OSBPL5: variants seen among roughly 807,000 people sequenced by gnomAD.
The protein encoded by OSBPL5 is oxysterol binding protein like 5.
Under a neutral mutation model 111.2 loss-of-function variants are expected in OSBPL5, and 71 were observed. The observed-to-expected ratio is 0.64, with a 90% confidence interval of 0.53 to 0.78. The LOEUF is 0.78. OSBPL5 is among the 30% of genes least tolerant of loss of function. OSBPL5 has a pLI of 0.00. For missense variants in OSBPL5, 1,210 were observed against 1,189.3 expected, an observed-to-expected ratio of 1.02 and a Z score of -0.26; for synonymous variants, 549 against 513.9, an observed-to-expected ratio of 1.07 and a Z score of -0.93.
At position 3,121,929 on chromosome 11, in the gene OSBPL5, T is replaced by C. The variant is rs941985601; in HGVS notation, c.402+68A>G. Reference sequence around the variant, plus strand: ...CCATCGTTTCAGGCCACCTGGTTTATGGTCCTTTGTTATGGCAGCAGCACG... The same window carrying C: ...CCATCGTTTCAGGCCACCTGGTTTACGGTCCTTTGTTATGGCAGCAGCACG... On this transcript the variant is annotated intron_variant, in intron 5 of 21. Transcript: ENST00000263650. The surrounding 1 kb of genome is among the most constrained non-coding windows in gnomAD (Gnocchi z 4.3). The C allele has an allele frequency of 2.9e-6, 4 of 1,392,620 alleles. No individual in the cohort carries two copies. The South Asian group carries it at 4.9e-5, about 17-fold the overall frequency. The allele number at this position is 1,392,620 out of a possible 1,614,324, so 86.3% of individuals were successfully genotyped here.
chr11:3,102,360 G>A (rs954429206), intron 11 of OSBPL5, 79 bp from the exon 12 acceptor site: 4 of 1,379,460 alleles, frequency 2.9e-6, no homozygotes, highest in African/African-American at 1.4e-5. Context: ...GATGTGGACG[G>A]AGGGGCAGCG....
At chr11:3,095,074 A>G (rs1857207905) in intron 14 of OSBPL5, among the ~76,000 whole-genome samples, 1 of 152,076 alleles carries the variant, frequency 6.6e-6, no homozygotes, top group African/African-American at 2.4e-5. Context: ...TTGTTGCAAC[A>G]AAGGCTTGAA....
Position 3,121,007 on chromosome 11 carries a change from CAG to C in OSBPL5, c.403-385_403-384del, listed in dbSNP as rs2134455860. Among the ~76,000 whole-genome samples the C allele has an allele frequency of 6.6e-6, 1 of 151,232 alleles. No homozygotes were observed. Among genetic ancestry groups the C allele is most frequent in the Non-Finnish European group, 1.5e-5 (1 of 67,960 alleles). On this transcript the variant is annotated intron_variant, in intron 5 of 21. Coordinates refer to ENST00000263650, the MANE Select transcript of OSBPL5 (RefSeq NM_020896.4). The surrounding 1 kb of genome is among the most constrained non-coding windows in gnomAD (Gnocchi z 4.3). ...GGGTCAAGTTCAAGGTCAAGGGCCTCAGGGAGGAACCAGCAATGAGTGGTGTG... is the reference window on the plus strand; with the variant it reads ...GGGTCAAGTTCAAGGTCAAGGGCCTCGGAGGAACCAGCAATGAGTGGTGTG...
At chr11:3,101,841 T>A in intron 12 of OSBPL5, 142 bp from the exon 13 acceptor site, 1 of 728,670 alleles carries the variant, frequency 1.4e-6, no homozygotes. Flanking sequence ...GTAGGGGCCT[T>A]CCTGGCTCTC....
chr11:3,114,789 G>A (rs1024600899), intron 7 of OSBPL5, among the ~76,000 whole-genome samples: 4 of 151,690 alleles, frequency 2.6e-5, no homozygotes, highest in Non-Finnish European at 5.9e-5. Context: ...TTTTAGTAGA[G>A]ATGGGGTTTC....
chr11:3,103,858 GCGCAGCCCCCTTCC>G (rs879382388), intron 10 of OSBPL5, among the ~76,000 whole-genome samples: 53,460 of 104,376 alleles, frequency 0.51, 12,441 homozygotes, highest in East Asian at 0.79. Context: ...TTTCCAGTCT[GCGCAGCCCCCTTCC>G]TGCCTCTGTA....
intron 7 of OSBPL5, among the ~76,000 whole-genome samples, chr11:3,111,256 A>T (rs1372285606): frequency 2.0e-5 from 3 of 150,348 alleles, no homozygotes; most frequent in Non-Finnish European, 4.4e-5. Context: ...CTTGCTTCCG[A>T]TACAAGGAAG....
At chr11:3,098,827 G>A (rs1308286172) in intron 14 of OSBPL5, among the ~76,000 whole-genome samples, 1 of 143,566 alleles carries the variant, frequency 7.0e-6, no homozygotes, top group Non-Finnish European at 1.5e-5. Context: ...TTTTTTTTGA[G>A]ATGGGATCTC....
chr11:3,133,805 G>A (rs796265507), intron 1 of OSBPL5, among the ~76,000 whole-genome samples: 5 of 152,350 alleles, frequency 3.3e-5, no homozygotes, highest in African/African-American at 9.6e-5. Flanking sequence ...CCCTCCCACG[G>A]TGAGACTGTC....
In OSBPL5 at chr11:3,142,537, G is replaced by C. The variant is rs190720067; in HGVS notation, c.-21-13368C>G. ...TTAGCTCCCCTCCCTTTTTACAGAT[G>C]AGGAAACTGAGAATGAAACAGGAAA... is the stretch of plus-strand genomic sequence containing the variant. On this transcript the variant is annotated intron_variant, in intron 1 of 21. Transcript: ENST00000263650. The surrounding 1 kb of genome is among the most constrained non-coding windows in gnomAD (Gnocchi z 7.1). Among the ~76,000 whole-genome samples, 14 of 152,320 alleles carry C rather than the reference G, an allele frequency of 9.2e-5. No homozygotes were observed. The East Asian group carries it at 1.2e-3, about 13-fold the overall frequency.
At chr11:3,119,462 C>T in intron 7 of OSBPL5, 85 bp downstream of exon 7, 1 of 1,357,400 alleles carries the variant, frequency 7.4e-7, no homozygotes, top group Non-Finnish European at 9.8e-7. Flanking sequence ...TGAACTGGGG[C>T]CACCTGTACC....
At chr11:3,103,409 C>T (rs1157679210) in intron 10 of OSBPL5, 89 bp from the exon 11 acceptor site, 3 of 1,203,404 alleles carry the variant, frequency 2.5e-6, no homozygotes, top group Non-Finnish European at 2.3e-6. Flanking sequence ...ACCATCCCGA[C>T]CTCCAACCAC....
rs979802333 is a variant in OSBPL5, at chr11:3,165,095, C to T, written c.-22+121G>A. 6.6e-6 allele frequency: 1 copy of T among 150,748 alleles called. No homozygotes were observed. Among genetic ancestry groups the T allele is most frequent in the African/African-American group, 2.4e-5 (1 of 41,274 alleles). 9.3% of individuals were successfully genotyped at this position (150,748 alleles called of 1,614,324 possible). A position where few individuals can be genotyped will look rare whatever the true frequency, so the allele number is the denominator to read the frequency against. ...GGCTGCGGCGCGAGCTCCTGGATCC[C>T]TTCGGCCGGCCCCCCGCGGCCCTCG... On this transcript the variant is annotated intron_variant, in intron 1 of 21. Transcript: ENST00000263650. The surrounding 1 kb of genome is among the most constrained non-coding windows in gnomAD (Gnocchi z 7.4).
Position 3,107,379 on chromosome 11 carries a change from C to T in OSBPL5, c.943G>A (p.Glu315Lys), listed in dbSNP as rs373156305. ...ERENPEESDTETQDHSRKTES... is the reference protein window; with the variant it reads ...ERENPEESDTKTQDHSRKTES... ...GTCTTCCGGCTATGGTCCTGGGTCTCGGTATCTGACTCCTCAGGGTTCTCT... is the reference window on the plus strand; with the variant it reads ...GTCTTCCGGCTATGGTCCTGGGTCTTGGTATCTGACTCCTCAGGGTTCTCT... The change falls in exon 9 of 22, where the codon GAG (glutamate) becomes AAG (lysine). Residue 315 changes from glutamate (E) to lysine (K), a missense_variant. By Grantham distance (56) the Glu-to-Lys change is moderately conservative. Transcript: ENST00000263650. This position sits in a 1 kb window ranked among gnomAD's most constrained non-coding sequence, Gnocchi z 6.1. 44 of 1,613,938 alleles carry T rather than the reference C, an allele frequency of 2.7e-5. 1 individual carries two copies. The highest frequency in any genetic ancestry group is 1.2e-4 in the South Asian group (11 of 91,086).
chr11:3,131,216 T>G (rs1858812308), intron 1 of OSBPL5, among the ~76,000 whole-genome samples: 1 of 152,142 alleles, frequency 6.6e-6, no homozygotes, highest in African/African-American at 2.4e-5. Context: ...CCAGCACCAA[T>G]GACAGCCAGT....
At chr11:3,103,539 G>A (rs1484856423) in intron 10 of OSBPL5, among the ~76,000 whole-genome samples, 1 of 152,216 alleles carries the variant, frequency 6.6e-6, no homozygotes, top group African/African-American at 2.4e-5. Context: ...CGCTGGGGCA[G>A]AGAGGACACT....
chr11:3,115,756 A>G (rs1858186673), intron 7 of OSBPL5, among the ~76,000 whole-genome samples: 1 of 152,218 alleles, frequency 6.6e-6, no homozygotes, highest in South Asian at 2.1e-4. Context: ...TCTTATGATC[A>G]AGATGAAAAT....
At chr11:3,163,228 G>T (rs1847016959) in intron 1 of OSBPL5, among the ~76,000 whole-genome samples, 1 of 151,006 alleles carries the variant, frequency 6.6e-6, no homozygotes, top group Non-Finnish European at 1.5e-5. Flanking sequence ...AAATGGGAAT[G>T]GGGGCGGGGG....
chr11:3,133,943 AGGGAAGAGGGAGTGGCTG>A (rs1484453920), intron 1 of OSBPL5, among the ~76,000 whole-genome samples: 1 of 150,560 alleles, frequency 6.6e-6, no homozygotes, highest in Non-Finnish European at 1.5e-5. Flanking sequence ...CCAGGAGGCC[AGGGAAGAGGGAGTGGCTG>A]GGGAAGAAGG....
Sources: gnomAD v4.1 joint callset for allele counts (sites outside exome capture counted in the v4.1 genomes callset) on GRCh38, gnomAD v4.1.1 for gene constraint, Gnocchi (gnomAD v3.1) non-coding constraint, MANE v1.5 for transcripts, NCBI Gene and HGNC (gene_info 2026-07-23, HGNC 2026-07-21) for gene names.